ANKRD17: variants seen among roughly 807,000 people sequenced by gnomAD.
The protein encoded by ANKRD17 is ankyrin repeat domain 17.
A neutral mutation model predicts 229.7 loss-of-function variants in ANKRD17; 19 were observed. The ratio of observed to expected loss-of-function variants is 0.08; its 90% confidence interval spans 0.06 to 0.12. The LOEUF (loss-of-function observed/expected upper bound fraction) is 0.12. ANKRD17 is among the 10% of genes least tolerant of loss of function. The probability of loss-of-function intolerance (pLI) is 1.00; values close to 1 mark genes in which losing one functional copy is unlikely to be tolerated. For synonymous variants in ANKRD17, 1,112 were observed against 1,146.1 expected, an observed-to-expected ratio of 0.97 and a Z score of 0.60; for missense variants, 2,176 against 3,176.8, an observed-to-expected ratio of 0.68 and a Z score of 7.57.
At chr4:73,211,237 AGAG>A (rs1298401228) in intron 1 of ANKRD17, among the ~76,000 whole-genome samples, 1 of 152,128 alleles carries the variant, frequency 6.6e-6, no homozygotes, top group African/African-American at 2.4e-5. Context: ...GGAAAACCCT[AGAG>A]AAGAGGTAGG....
Position 73,091,994 on chromosome 4 carries a change from T to C in ANKRD17, c.5634A>G (p.Pro1878=), listed in dbSNP as rs778754132. 4 of 1,614,070 alleles carry C rather than the reference T, an allele frequency of 2.5e-6. No individual in the cohort carries two copies. The highest frequency in any genetic ancestry group is 8.5e-7 in the Non-Finnish European group (1 of 1,180,036). Reference sequence around the variant, plus strand: ...GAGGATATGCTAATGGAAGAGAAACTGGAAAACCAGGCCTCACATTATTCA... The same window carrying C: ...GAGGATATGCTAATGGAAGAGAAACCGGAAAACCAGGCCTCACATTATTCA... The part of the protein sequence containing the change: ...NPVNNVRPGF[P]VSLPLAYPPP... The change falls in exon 29 of 34, where the codon CCA becomes CCG. Residue 1878 remains proline (P), a synonymous_variant. Transcript: ENST00000358602.
intron 29 of ANKRD17, among the ~76,000 whole-genome samples, chr4:73,086,920 ATATATATAT>A (rs1373839762): frequency 5.5e-4 from 6 of 10,990 alleles, no homozygotes; most frequent in South Asian, 3.4e-3. Context: ...AAAAAAAAAA[ATATATATAT>A]ATATATATAT....
At chr4:73,151,295 T>C (rs568788321) in intron 7 of ANKRD17, 135 bp downstream of exon 7, 3 of 719,860 alleles carry the variant, frequency 4.2e-6, no homozygotes, top group East Asian at 6.2e-5. Context: ...TAATAGAAGT[T>C]AATGTTGTAC....
intron 1 of ANKRD17, among the ~76,000 whole-genome samples, chr4:73,236,654 A>G (rs944719784): frequency 3.3e-5 from 5 of 152,128 alleles, no homozygotes. Flanking sequence ...ATTGATCCTG[A>G]CTGGGAAAAA....
rs1188849183 is a variant in ANKRD17 at position 73,139,794 on chromosome 4, G to A, written c.2822C>T (p.Pro941Leu). The A allele has an allele frequency of 2.5e-6, 4 of 1,614,152 alleles. No homozygotes were observed. Among genetic ancestry groups the A allele is most frequent in the Non-Finnish European group, 2.5e-6 (3 of 1,180,030 alleles). Residue 941 changes from proline (P) to leucine (L), a missense_variant, in exon 15 of 34, where the codon CCC (proline) becomes CTC (leucine). Pro to Leu is a moderately conservative substitution (Grantham distance 98, BLOSUM62 -3). This residue lies in a region of ANKRD17 where 230 missense variants were observed against 252.3 expected (regional missense o/e 0.91). Coordinates refer to ENST00000358602, the MANE Select transcript of ANKRD17 (RefSeq NM_032217.5). ...ACCCATCTGAGCAGCAGTCTGCTGG[G>A]GTTCATCTTTAAGTAAAACAGGATC... is the stretch of plus-strand genomic sequence containing the variant. ...QVDPVLLKDE[P>L]QQTAAQMGFA...
At chr4:73,172,614 T>C (rs1347824090) in intron 2 of ANKRD17, among the ~76,000 whole-genome samples, 1 of 152,124 alleles carries the variant, frequency 6.6e-6, no homozygotes, top group East Asian at 1.9e-4. Context: ...TCAAGACATA[T>C]GCAGCACAGT....
At chr4:73,097,296 C>T (rs758336765) in intron 26 of ANKRD17, 24 bp from the exon 27 acceptor site, 22 of 1,547,456 alleles carry the variant, frequency 1.4e-5, no homozygotes, top group Non-Finnish European at 1.8e-5. Context: ...AGGGAAAGTA[C>T]ATTAAATATG....
chr4:73,202,504 G>T (rs1245117947), intron 1 of ANKRD17, among the ~76,000 whole-genome samples: 1 of 152,046 alleles, frequency 6.6e-6, no homozygotes, highest in Non-Finnish European at 1.5e-5. Flanking sequence ...CAAAAGATTG[G>T]TGGAGAAATA....
chr4:73,116,866 C>G (rs78005708), intron 22 of ANKRD17, among the ~76,000 whole-genome samples: 2 of 151,706 alleles, frequency 1.3e-5, no homozygotes, highest in African/African-American at 4.8e-5. Flanking sequence ...TACTATGTTG[C>G]ACCCTATATA....
chr4:73,191,584 T>TA (rs1217440123), intron 1 of ANKRD17, among the ~76,000 whole-genome samples: 3 of 151,176 alleles, frequency 2.0e-5, no homozygotes, highest in Non-Finnish European at 3.0e-5. Flanking sequence ...TGCCATAAAA[T>TA]AAAAAAACTG....
intron 1 of ANKRD17, among the ~76,000 whole-genome samples, chr4:73,182,599 A>C (rs780412140): frequency 1.3e-5 from 2 of 152,162 alleles, no homozygotes; most frequent in Non-Finnish European, 2.9e-5. Flanking sequence ...TTAATTACTA[A>C]AAGTGGGACA....
chr4:73,212,572 A>G (rs1740423556), intron 1 of ANKRD17, among the ~76,000 whole-genome samples: 1 of 152,154 alleles, frequency 6.6e-6, no homozygotes, highest in Non-Finnish European at 1.5e-5. Flanking sequence ...AAAAAATAAT[A>G]GAACAGAGAA....
Position 73,085,395 on chromosome 4 carries a change from T to C in ANKRD17, c.7013A>G (p.His2338Arg), listed in dbSNP as rs1158792490. The change falls in exon 30 of 34, where the codon CAT (histidine) becomes CGT (arginine). Residue 2338 changes from histidine (H) to arginine (R), a missense_variant. His to Arg is a conservative substitution (Grantham distance 29). This residue lies in a region of ANKRD17 where 87 missense variants were observed against 116.0 expected (regional missense o/e 0.75). Coordinates refer to ENST00000358602, the MANE Select transcript of ANKRD17 (RefSeq NM_032217.5). The part of the protein sequence containing the change: ...PYGSVTPSST[H>R]LGNFASNISG... The stretch of plus-strand genomic sequence containing the variant: ...AATGTTTGAAGCAAAGTTTCCCAAA[T>C]GTGTTGAAGAAGGTGTTACAGAACC... 1 of 1,614,142 alleles carries C rather than the reference T, an allele frequency of 6.2e-7. No individual in the cohort carries two copies. The highest frequency in any genetic ancestry group is 1.7e-5 in the Admixed American group (1 of 60,008).
chr4:73,179,013 C>T lies in ANKRD17; in HGVS notation c.394-1480G>A, dbSNP rs1291709935. On this transcript the variant is annotated intron_variant, in intron 1 of 33. Transcript: ENST00000358602. ...TACAATCACGCTCATGCCTAGTATCCAGAAGGTCAACAATAAAAAAGACAA... is the reference window on the plus strand; with the variant it reads ...TACAATCACGCTCATGCCTAGTATCTAGAAGGTCAACAATAAAAAAGACAA... Among the ~76,000 whole-genome samples the T allele has an allele frequency of 2.0e-5, 3 of 151,934 alleles. No individual in the cohort carries two copies. The East Asian group carries it at 5.8e-4, about 29-fold the overall frequency.
chr4:73,225,174 T>G lies in ANKRD17; in HGVS notation c.393+33102A>C, dbSNP rs925043027. 4.6e-5 allele frequency among the ~76,000 whole-genome samples: 7 copies of G among 152,302 alleles called. No individual in the cohort carries two copies. In the East Asian group the frequency reaches 1.4e-3, roughly 29 times the overall value. ...CCTCCCAGGTCAATTCTTTCTATGC[T>G]TCAAATAAACTGCTCCATCTTTAGA... On this transcript the variant is annotated intron_variant, in intron 1 of 33. Coordinates refer to ENST00000358602, the MANE Select transcript of ANKRD17 (RefSeq NM_032217.5).
At chr4:73,250,666 T>C (rs1467767789) in intron 1 of ANKRD17, among the ~76,000 whole-genome samples, 2 of 146,550 alleles carry the variant, frequency 1.4e-5, no homozygotes, top group Non-Finnish European at 3.0e-5. Flanking sequence ...CCAATAGGAA[T>C]TCCTCAAGTA....
chr4:73,257,797 T>C (rs1264807108), intron 1 of ANKRD17, among the ~76,000 whole-genome samples: 2 of 152,070 alleles, frequency 1.3e-5, no homozygotes, highest in Admixed American at 1.3e-4. Context: ...CATTACAACC[T>C]TACGTCCCCC....
Position 73,112,944 on chromosome 4 carries a change from C to T in ANKRD17, c.4401+848G>A, listed in dbSNP as rs1009773401. On this transcript the variant is annotated intron_variant, in intron 24 of 33. Coordinates refer to ENST00000358602, the MANE Select transcript of ANKRD17 (RefSeq NM_032217.5). Reference sequence around the variant, plus strand: ...ATGGGATTACAGGCATGCACCACCACGTCCGGCTAATTTTCGTATTTTTGG... The same window carrying T: ...ATGGGATTACAGGCATGCACCACCATGTCCGGCTAATTTTCGTATTTTTGG... The T allele has an allele frequency of 7.0e-5, 29 of 411,434 alleles. 1 individual carries two copies. In the South Asian group the frequency reaches 8.3e-4, roughly 12 times the overall value. 25.5% of individuals were successfully genotyped at this position (411,434 alleles called of 1,614,324 possible).
intron 11 of ANKRD17, 85 bp from the exon 12 acceptor site, chr4:73,142,852 A>G: frequency 7.0e-7 from 1 of 1,436,422 alleles, no homozygotes. Flanking sequence ...TGAAGAGTAG[A>G]GAAAATAGTA....
Sources: gnomAD v4.1 joint callset for allele counts (sites outside exome capture counted in the v4.1 genomes callset) on GRCh38, gnomAD v4.1.1 for gene constraint, gnomAD v4.1.1 regional missense constraint, MANE v1.5 for transcripts, NCBI Gene and HGNC (gene_info 2026-07-23, HGNC 2026-07-21) for gene names.